APCDD1: variants seen among roughly 807,000 people sequenced by gnomAD.
APCDD1 encodes protein APCDD1.
A neutral mutation model predicts 38.1 loss-of-function variants in APCDD1; 15 were observed. The ratio of observed to expected loss-of-function variants is 0.39; its 90% CI spans 0.26 to 0.61. The LOEUF (loss-of-function observed/expected upper bound fraction) is 0.61. Among genes scored for constraint, APCDD1 ranks in the 20% least tolerant of loss-of-function variants. The pLI is 0.49. For missense variants in APCDD1, 647 were observed against 696.2 expected, an observed-to-expected ratio of 0.93 and a Z score of 0.79; for synonymous variants, 261 against 279.7, an observed-to-expected ratio of 0.93 and a Z score of 0.67.
chr18:10,485,489 C>T lies in APCDD1; in HGVS notation c.802C>T (p.Arg268Trp), dbSNP rs755440394. Reference sequence around the variant, plus strand: ...CCACGACCATGCCTGCATCGCCTGTCGGATCATCTATCGGTCAGACGAGCA... The same window carrying T: ...CCACGACCATGCCTGCATCGCCTGTTGGATCATCTATCGGTCAGACGAGCA... Reference protein sequence around the residue: ...KNHDHACIACRIIYRSDEHHP... With the variant: ...KNHDHACIACWIIYRSDEHHP... The change falls in exon 4 of 5, where the codon CGG (arginine) becomes TGG (tryptophan). Residue 268 changes from arginine (R) to tryptophan (W), a missense_variant. Arg to Trp is a moderately radical substitution (Grantham distance 101, BLOSUM62 -3). Coordinates refer to ENST00000355285, the MANE Select transcript of APCDD1 (RefSeq NM_153000.5). The surrounding 1 kb of genome is among the most constrained non-coding windows in gnomAD (Gnocchi z 5.8). 5.0e-6 allele frequency: 8 copies of T among 1,614,128 alleles called. No individual in the cohort carries two copies. Among genetic ancestry groups the T allele is most frequent in the South Asian group, 1.1e-5 (1 of 91,070 alleles).
At position 10,454,635 on chromosome 18, in the gene APCDD1, G is replaced by A. The variant is rs2030314388; in HGVS notation, c.-347G>A. 1 of 1,069,202 alleles carries A rather than the reference G, an allele frequency of 9.4e-7. No individual in the cohort carries two copies. The highest frequency in any genetic ancestry group is 2.6e-5 in the South Asian group (1 of 38,388). 66.2% of individuals were successfully genotyped at this position (1,069,202 alleles called of 1,614,324 possible). A position where few individuals can be genotyped will look rare whatever the true frequency, so the allele number is the denominator to read the frequency against. The stretch of plus-strand genomic sequence containing the variant: ...CCGGCCGGCGGCGCGCTGGAAATAT[G>A]AAGAGACGCTGCAGCTGCGGTGGCG... On this transcript the variant is annotated 5_prime_UTR_variant, in exon 1 of 5. Coordinates refer to ENST00000355285, the MANE Select transcript of APCDD1 (RefSeq NM_153000.5).
chr18:10,478,342 G>C (rs944859615), intron 3 of APCDD1, among the ~76,000 whole-genome samples: 3 of 152,230 alleles, frequency 2.0e-5, no homozygotes, highest in Non-Finnish European at 4.4e-5. Context: ...TCTGTACACT[G>C]AGGGGCTGCC....
chr18:10,483,985 G>C (rs577128900), intron 3 of APCDD1, among the ~76,000 whole-genome samples: 2 of 152,336 alleles, frequency 1.3e-5, no homozygotes, highest in East Asian at 3.9e-4. Context: ...CTGGCACTGT[G>C]TTCAAGCACC....
At chr18:10,455,099 G>A (rs1276786363) in intron 1 of APCDD1, 60 bp downstream of exon 1, 3 of 1,542,522 alleles carry the variant, frequency 1.9e-6, no homozygotes, top group Non-Finnish European at 2.6e-6. Flanking sequence ...GGGCGCCGCG[G>A]AGCCCGCGGA....
At chr18:10,486,097 A>G (rs1300257951) in intron 4 of APCDD1, among the ~76,000 whole-genome samples, 1 of 152,218 alleles carries the variant, frequency 6.6e-6, no homozygotes, top group African/African-American at 2.4e-5. Flanking sequence ...CATGCCTGTA[A>G]TCCCAACACT....
rs890283507 is a variant in APCDD1 at position 10,489,176 on chromosome 18, T to G, written c.*1138T>G. 2 of 152,460 alleles carry G rather than the reference T, an allele frequency of 1.3e-5. No individual in the cohort carries two copies. Among genetic ancestry groups the G allele is most frequent in the African/African-American group, 4.8e-5 (2 of 41,468 alleles). 9.4% of individuals were successfully genotyped at this position (152,460 alleles called of 1,614,324 possible). ...CTCAGTGTCTTTCCTGCTGCTGATG[T>G]GGCTCTGTGCTGGCAGTTTCAGGGT... On this transcript the variant is annotated 3_prime_UTR_variant, in exon 5 of 5. Coordinates refer to ENST00000355285, the MANE Select transcript of APCDD1 (RefSeq NM_153000.5).
chr18:10,470,116 G>T lies in APCDD1; in HGVS notation c.243-1414G>T, dbSNP rs2030815789. On this transcript the variant is annotated intron_variant, in intron 2 of 4. Coordinates refer to ENST00000355285, the MANE Select transcript of APCDD1 (RefSeq NM_153000.5). This position sits in a 1 kb window ranked among gnomAD's most constrained non-coding sequence, Gnocchi z 4.1. ...TTAAAAGACCTTTGCAGCCGTTCTG[G>T]TTAGAGAGCACAGAGGCTTAGGTAA... is the stretch of plus-strand genomic sequence containing the variant. 6.6e-6 allele frequency among the ~76,000 whole-genome samples: 1 copy of T among 152,210 alleles called. No homozygotes were observed. Among genetic ancestry groups the T allele is most frequent in the African/African-American group, 2.4e-5 (1 of 41,444 alleles).
At chr18:10,460,429 A>T (rs1310635915) in intron 1 of APCDD1, among the ~76,000 whole-genome samples, 2 of 150,984 alleles carry the variant, frequency 1.3e-5, no homozygotes, top group Admixed American at 1.3e-4. Context: ...GCTTCTCGGG[A>T]GGGTGAGGCA....
intron 3 of APCDD1, chr18:10,477,308 C>T (rs1393007901): frequency 2.0e-5 from 3 of 152,188 alleles, no homozygotes. Flanking sequence ...CAGGTGTTTC[C>T]TATAAGGCAG....
chr18:10,476,734 A>C lies in APCDD1; in HGVS notation c.774+4673A>C, dbSNP rs2031010422. ...CCAGACAGCCTTCCCCAGGCTGTGCATCTGAAATACTCGATCCCAGCACAT... is the reference window on the plus strand; with the variant it reads ...CCAGACAGCCTTCCCCAGGCTGTGCCTCTGAAATACTCGATCCCAGCACAT... On this transcript the variant is annotated intron_variant, in intron 3 of 4. Transcript: ENST00000355285. This position sits in a 1 kb window ranked among gnomAD's most constrained non-coding sequence, Gnocchi z 5.8. 6.6e-6 allele frequency: 1 copy of C among 152,226 alleles called. No homozygotes were observed. 9.4% of individuals were successfully genotyped at this position (152,226 alleles called of 1,614,324 possible). A position where few individuals can be genotyped will look rare whatever the true frequency, so the allele number is the denominator to read the frequency against.
rs899690735 is a variant in APCDD1, at chr18:10,475,697, C to G, written c.774+3636C>G. Among the ~76,000 whole-genome samples the G allele has an allele frequency of 1.3e-5, 2 of 151,208 alleles. No individual in the cohort carries two copies. The highest frequency in any genetic ancestry group is 6.6e-5 in the Admixed American group (1 of 15,186). Reference sequence around the variant, plus strand: ...AAAAAGCAAGCAAACACTCCCAGACCCAGAGGAATGCTGTGGCCACAGATG... The same window carrying G: ...AAAAAGCAAGCAAACACTCCCAGACGCAGAGGAATGCTGTGGCCACAGATG... On this transcript the variant is annotated intron_variant, in intron 3 of 4. Coordinates refer to ENST00000355285, the MANE Select transcript of APCDD1 (RefSeq NM_153000.5). The surrounding 1 kb of genome is among the most constrained non-coding windows in gnomAD (Gnocchi z 4.0).
intron 1 of APCDD1, among the ~76,000 whole-genome samples, chr18:10,459,770 C>T (rs1427242002): frequency 6.6e-6 from 1 of 152,166 alleles, no homozygotes; most frequent in Non-Finnish European, 1.5e-5. Context: ...GTAATGACTG[C>T]TTATTTAATT....
At chr18:10,468,412 T>C in intron 1 of APCDD1, 57 bp from the exon 2 acceptor site, 1 of 1,591,944 alleles carries the variant, frequency 6.3e-7, no homozygotes, top group Non-Finnish European at 8.6e-7. Flanking sequence ...TTGTTTGGCC[T>C]GATTCATGTC....
Position 10,471,542 on chromosome 18 carries a change from G to A in APCDD1, c.255G>A (p.Arg85=). 1.9e-6 allele frequency: 3 copies of A among 1,614,158 alleles called. No homozygotes were observed. The highest frequency in any genetic ancestry group is 2.5e-6 in the Non-Finnish European group (3 of 1,180,046). The change falls in exon 3 of 5, where the codon AGG becomes AGA. Residue 85 remains arginine, a synonymous_variant. Transcript: ENST00000355285. This position sits in a 1 kb window ranked among gnomAD's most constrained non-coding sequence, Gnocchi z 5.5. Reference sequence around the variant, plus strand: ...TTTTCTTGCCCAGCTGTGAAGTAAGGTCAGGCCCAGAGTTCATCACAAGGT... The same window carrying A: ...TTTTCTTGCCCAGCTGTGAAGTAAGATCAGGCCCAGAGTTCATCACAAGGT... ...GHWVSTGCEV[R]SGPEFITRSY...
intron 3 of APCDD1, among the ~76,000 whole-genome samples, chr18:10,484,536 T>A (rs2031207651): frequency 1.3e-5 from 2 of 152,194 alleles, no homozygotes; most frequent in Non-Finnish European, 2.9e-5. Context: ...CATCCACTTT[T>A]TCATCTTCCC....
At position 10,471,649 on chromosome 18, in the gene APCDD1, C is replaced by A; in HGVS notation, c.362C>A (p.Thr121Asn). The A allele has an allele frequency of 6.2e-7, 1 of 1,614,204 alleles. No homozygotes were observed. Among genetic ancestry groups the A allele is most frequent in the Non-Finnish European group, 8.5e-7 (1 of 1,180,052 alleles). Residue 121 changes from threonine to asparagine, a missense_variant, in exon 3 of 5, where the codon ACT (threonine) becomes AAT (asparagine). Physicochemically the swap from Thr to Asn is moderately conservative, Grantham distance 65. Transcript: ENST00000355285. This position sits in a 1 kb window ranked among gnomAD's most constrained non-coding sequence, Gnocchi z 5.5. ...AACCGGTGCACAAATCCCACTTATACTCTCATCATCCGGGGCAAGATCCGC... is the reference window on the plus strand; with the variant it reads ...AACCGGTGCACAAATCCCACTTATAATCTCATCATCCGGGGCAAGATCCGC... Reference protein sequence around the residue: ...GSNRCTNPTYTLIIRGKIRLR... With the variant: ...GSNRCTNPTYNLIIRGKIRLR...
chr18:10,467,417 A>T lies in APCDD1; in HGVS notation c.59-1052A>T. On this transcript the variant is annotated intron_variant, in intron 1 of 4. Transcript: ENST00000355285. The surrounding 1 kb of genome is among the most constrained non-coding windows in gnomAD (Gnocchi z 4.8). ...GTCTTTTCTGCTAACACAGGGCTAAATACGTAGTAGGTCCGCCATAAATGC... is the reference window on the plus strand; with the variant it reads ...GTCTTTTCTGCTAACACAGGGCTAATTACGTAGTAGGTCCGCCATAAATGC... Among the ~76,000 whole-genome samples, 1 of 152,226 alleles carries T rather than the reference A, an allele frequency of 6.6e-6. No homozygotes were observed. Among genetic ancestry groups the T allele is most frequent in the Middle Eastern group, 3.2e-3 (1 of 316 alleles).
intron 3 of APCDD1, chr18:10,477,495 T>C (rs1439860815): frequency 6.6e-6 from 1 of 152,236 alleles, no homozygotes; most frequent in Non-Finnish European, 1.5e-5. Flanking sequence ...CAGCTCATTA[T>C]ATTTCTTGAC....
intron 3 of APCDD1, among the ~76,000 whole-genome samples, chr18:10,484,073 C>A (rs991835974): frequency 9.2e-5 from 14 of 152,248 alleles, no homozygotes; most frequent in Non-Finnish European, 1.8e-4. Context: ...ACCTAGACAG[C>A]CCTTGTTCCC....
Sources: allele counts gnomAD v4.1 joint callset (sites outside exome capture counted in the v4.1 genomes callset), GRCh38; gene constraint gnomAD v4.1.1; non-coding constraint Gnocchi (gnomAD v3.1); transcripts MANE v1.5; gene names NCBI Gene and HGNC (gene_info 2026-07-23, HGNC 2026-07-21).